Variants in OR56A3 observed in about 807,000 individuals in gnomAD.
OR56A3 encodes the protein olfactory receptor 56A3.
In OR56A3, 23 loss-of-function variants were observed where a neutral mutation model predicts 17.5. The observed-to-expected ratio is 1.32, with a 90% CI of 0.95 to 1.87. The LOEUF (loss-of-function observed/expected upper bound fraction) is 1.87. Ranked by LOEUF, OR56A3 falls within the 40% of genes most tolerant of loss-of-function variation. The pLI is 0.00. For missense variants in OR56A3, 366 were observed against 380.1 expected (o/e 0.96, Z 0.31); for synonymous variants, 175 against 150.6 (o/e 1.16, Z -1.19).
chr11:5,985,747 T>C, the OR56A3 span: 1 of 553,402 alleles, frequency 1.8e-6, no homozygotes, highest in Non-Finnish European at 3.1e-6. Context: ...GGCAAAAATA[T>C]TCACAAATCC....
the OR56A3 span, among the ~76,000 whole-genome samples, chr11:6,015,560 G>A: frequency 6.6e-6 from 1 of 152,256 alleles, no homozygotes; most frequent in Admixed American, 6.5e-5. Flanking sequence ...ATGCCAGCCT[G>A]TGAGAACAGT....
At position 5,948,165 on chromosome 11, in the gene OR56A3, C is replaced by A; in HGVS notation, c.819C>A (p.Ser273=). Reference sequence around the variant, plus strand: ...CACATGTGGCTAAGAAGAAAGTCTCCCCTGATGTGCCAGTCTTGCTCAATG... The same window carrying A: ...CACATGTGGCTAAGAAGAAAGTCTCACCTGATGTGCCAGTCTTGCTCAATG... ...VLTHVAKKKV[S]PDVPVLLNVL... The change falls in exon 3 of 3, where the codon TCC becomes TCA. Residue 273 remains serine, a synonymous_variant. Transcript: ENST00000641160. The A allele has an allele frequency of 6.2e-7, 1 of 1,614,180 alleles. No homozygotes were observed. Among genetic ancestry groups the A allele is most frequent in the South Asian group, 1.1e-5 (1 of 91,080 alleles).
At chr11:5,952,520 G>A (rs1847913300), downstream of OR56A3, among the ~76,000 whole-genome samples, 1 of 150,454 alleles carries the variant, frequency 6.6e-6, no homozygotes, top group African/African-American at 2.4e-5. Flanking sequence ...TGTTTGTTGT[G>A]TTTTTCTCAA....
chr11:5,942,831 C>T (rs769317518), intron 1 of OR56A3, among the ~76,000 whole-genome samples: 3 of 152,268 alleles, frequency 2.0e-5, no homozygotes, highest in Non-Finnish European at 4.4e-5. Context: ...ATCTTACAGG[C>T]CTGCCTGAAT....
chr11:5,968,537 T>A, the OR56A3 span: 1 of 1,306,552 alleles, frequency 7.7e-7, no homozygotes, highest in South Asian at 1.3e-5. Flanking sequence ...GAAATTGTGT[T>A]TGATAAGACA....
chr11:5,957,997 G>A, the OR56A3 span, among the ~76,000 whole-genome samples: 6 of 152,170 alleles, frequency 3.9e-5, no homozygotes, highest in Non-Finnish European at 8.8e-5. Flanking sequence ...TGTTTCAAGA[G>A]AAATTGTAAA....
the OR56A3 span, among the ~76,000 whole-genome samples, chr11:6,008,237 A>G: frequency 6.6e-6 from 1 of 152,192 alleles, no homozygotes; most frequent in Non-Finnish European, 1.5e-5. Context: ...AGGAGACATT[A>G]GGGCAAAAAT....
intron 1 of OR56A3, among the ~76,000 whole-genome samples, chr11:5,942,708 CA>C (rs1237962652): frequency 2.0e-5 from 3 of 152,218 alleles, no homozygotes; most frequent in Non-Finnish European, 4.4e-5. Context: ...TATTTCTGAT[CA>C]AAATTGCTAA....
the OR56A3 span, chr11:5,999,955 A>T: frequency 6.6e-6 from 1 of 152,242 alleles, no homozygotes; most frequent in African/African-American, 2.4e-5. Flanking sequence ...CCTGGTAGGA[A>T]GGAAACAACA....
chr11:5,969,786 C>T, the OR56A3 span, among the ~76,000 whole-genome samples: 2 of 152,068 alleles, frequency 1.3e-5, no homozygotes, highest in Non-Finnish European at 2.9e-5. Context: ...CCAGAGGAGG[C>T]AAAGGACATC....
chr11:6,018,781 T>C, the OR56A3 span, among the ~76,000 whole-genome samples: 1 of 151,794 alleles, frequency 6.6e-6, no homozygotes, highest in Non-Finnish European at 1.5e-5. Flanking sequence ...GATAAACCTC[T>C]AGCTAGACTA....
chr11:5,955,616 T>C (rs570196746), downstream of OR56A3, among the ~76,000 whole-genome samples: 2 of 152,292 alleles, frequency 1.3e-5, no homozygotes, highest in South Asian at 2.1e-4. Flanking sequence ...GTTGTATACA[T>C]TGGCATGCTT....
At chr11:5,967,680 G>A in the OR56A3 span, 2 of 1,613,908 alleles carry the variant, frequency 1.2e-6, no homozygotes, top group Non-Finnish European at 1.7e-6. Context: ...GACATCCGGA[G>A]GAATTCTCTT....
chr11:5,994,724 T>C, the OR56A3 span: 1 of 822,068 alleles, frequency 1.2e-6, no homozygotes, highest in East Asian at 2.5e-5. Context: ...GATGCGGGCA[T>C]TGTCCACAGT....
the OR56A3 span, among the ~76,000 whole-genome samples, chr11:5,959,506 T>C: frequency 6.6e-6 from 1 of 152,160 alleles, no homozygotes; most frequent in African/African-American, 2.4e-5. Flanking sequence ...TATTATTTGT[T>C]TCCTTGCTAT....
At chr11:5,944,337 A>G (rs1483000104) in intron 1 of OR56A3, among the ~76,000 whole-genome samples, 2 of 152,180 alleles carry the variant, frequency 1.3e-5, no homozygotes, top group Non-Finnish European at 2.9e-5. Context: ...ACAAAAGGGG[A>G]ATAAGGAGGG....
chr11:5,979,476 A>G, the OR56A3 span, among the ~76,000 whole-genome samples: 70 of 151,684 alleles, frequency 4.6e-4, no homozygotes, highest in African/African-American at 1.4e-3. Flanking sequence ...GAATTTATCC[A>G]TTTTTTCTAG....
At chr11:6,007,025 C>T in the OR56A3 span, 1 of 152,278 alleles carries the variant, frequency 6.6e-6, no homozygotes, top group African/African-American at 2.4e-5. Flanking sequence ...CCACACTACT[C>T]ACAAGAGTTA....
At chr11:5,977,150 T>C in the OR56A3 span, among the ~76,000 whole-genome samples, 3 of 152,206 alleles carry the variant, frequency 2.0e-5, no homozygotes, top group African/African-American at 7.2e-5. Flanking sequence ...ATCATTGCTA[T>C]TGTGAATAGT....
Sources: allele counts gnomAD v4.1 joint callset (sites outside exome capture counted in the v4.1 genomes callset), GRCh38; gene constraint gnomAD v4.1.1; transcripts MANE v1.5; gene names NCBI Gene and HGNC (gene_info 2026-07-23, HGNC 2026-07-21).